Variants in CDKN2B-AS1 observed in about 807,000 individuals in gnomAD.
The protein encoded by CDKN2B-AS1 is CDKN2B antisense RNA 1 (non-protein coding).
chr9:22,109,406 A>T (rs1448847895), intron 4 of CDKN2B-AS1, among the ~76,000 whole-genome samples: 1 of 152,148 alleles, frequency 6.6e-6, no homozygotes, highest in Non-Finnish European at 1.5e-5. Context: ...CCCTGACTGG[A>T]TAGAGTAAAT....
rs183021588 is a variant in CDKN2B-AS1, at chr9:22,046,022, A to T, written n.30-729A>T. Among the ~76,000 whole-genome samples the T allele has an allele frequency of 2.6e-3, 402 of 152,248 alleles. 2 individuals are homozygous for T. The highest frequency in any genetic ancestry group is 4.1e-3 in the Non-Finnish European group (279 of 68,002). The stretch of plus-strand genomic sequence containing the variant: ...GCACTGGACTTAGAATATAAGAAGA[A>T]AATTTGGGACAACCTGAATAGTTGA... On this transcript the variant is annotated intron_variant and non_coding_transcript_variant, in intron 1 of 4. Coordinates refer to ENST00000650946, the Ensembl canonical transcript of CDKN2B-AS1.
intron 1 of CDKN2B-AS1, chr9:22,008,958 C>T (rs2131190873): frequency 6.2e-7 from 1 of 1,613,158 alleles, no homozygotes; most frequent in Non-Finnish European, 8.5e-7. Flanking sequence ...GCGCATTCCG[C>T]AGCCCCCAGA....
At chr9:22,063,714 A>G (rs1470740577) in intron 4 of CDKN2B-AS1, among the ~76,000 whole-genome samples, 1 of 152,154 alleles carries the variant, frequency 6.6e-6, no homozygotes, top group African/African-American at 2.4e-5. Context: ...TCTTTCTTCA[A>G]CTTCAACTGT....
Position 22,039,761 on chromosome 9 carries a change from T to G in CDKN2B-AS1, n.30-6990T>G, listed in dbSNP as rs1822827477. ...GCCAAATCTTCAGGCCCTCAAAATTTTTTCATTCCATTTGTTATGGGCTGA... is the reference window on the plus strand; with the variant it reads ...GCCAAATCTTCAGGCCCTCAAAATTGTTTCATTCCATTTGTTATGGGCTGA... On this transcript the variant is annotated intron_variant and non_coding_transcript_variant, in intron 1 of 4. Transcript: ENST00000650946. This position sits in a 1 kb window ranked among gnomAD's most constrained non-coding sequence, Gnocchi z 4.4. Among the ~76,000 whole-genome samples, 1 of 151,976 alleles carries G rather than the reference T, an allele frequency of 6.6e-6. No individual in the cohort carries two copies. Among genetic ancestry groups the G allele is most frequent in the Non-Finnish European group, 1.5e-5 (1 of 67,934 alleles).
At chr9:22,093,916 T>C (rs1183548455) in intron 4 of CDKN2B-AS1, among the ~76,000 whole-genome samples, 1 of 144,862 alleles carries the variant, frequency 6.9e-6, no homozygotes, top group Non-Finnish European at 1.5e-5. Context: ...CTAGCCTTGA[T>C]GGTCTTTACA....
intron 4 of CDKN2B-AS1, among the ~76,000 whole-genome samples, chr9:22,066,021 T>C (rs1393974329): frequency 6.6e-6 from 1 of 152,144 alleles, no homozygotes; most frequent in African/African-American, 2.4e-5. Context: ...GTTTAAGCCT[T>C]CATGTTCCCC....
chr9:22,084,028 A>G (rs564007909), intron 4 of CDKN2B-AS1, among the ~76,000 whole-genome samples: 6 of 152,318 alleles, frequency 3.9e-5, no homozygotes, highest in African/African-American at 9.6e-5. Flanking sequence ...TAAAATTTAC[A>G]TTACCTTTCT....
At chr9:22,096,337 G>T (rs368423972) in intron 4 of CDKN2B-AS1, 1 of 152,170 alleles carries the variant, frequency 6.6e-6, no homozygotes, top group African/African-American at 2.4e-5. Context: ...GACACCATTC[G>T]TTCATTCCTG....
intron 3 of CDKN2B-AS1, among the ~76,000 whole-genome samples, chr9:22,051,838 C>T (rs753476519): frequency 1.3e-5 from 2 of 152,102 alleles, no homozygotes; most frequent in Admixed American, 6.6e-5. Flanking sequence ...GCATATACCA[C>T]GTATATTTAT....
intron 4 of CDKN2B-AS1, among the ~76,000 whole-genome samples, chr9:22,080,071 T>C (rs538602121): frequency 2.0e-5 from 3 of 152,326 alleles, no homozygotes; most frequent in Admixed American, 2.0e-4. Context: ...CCTTTTGGGG[T>C]GTCTTGTGCT....
intron 4 of CDKN2B-AS1, among the ~76,000 whole-genome samples, chr9:22,085,421 A>T (rs1824835088): frequency 1.3e-5 from 2 of 152,160 alleles, no homozygotes; most frequent in Admixed American, 1.3e-4. Context: ...CAAGGAACAT[A>T]TAAAAGTTCC....
chr9:22,122,399 T>A (rs1051741472), intron 4 of CDKN2B-AS1, among the ~76,000 whole-genome samples: 59 of 152,172 alleles, frequency 3.9e-4, no homozygotes, highest in African/African-American at 1.4e-3. Flanking sequence ...CTATTTGGAT[T>A]GATATAATCC....
At chr9:22,117,823 G>C (rs1325980605) in intron 4 of CDKN2B-AS1, 1 of 152,338 alleles carries the variant, frequency 6.6e-6, no homozygotes, top group African/African-American at 2.4e-5. Flanking sequence ...CTCCCGGTTA[G>C]AGTGAGAGGC....
chr9:22,119,389 C>A (rs72654272), intron 4 of CDKN2B-AS1: 1 of 151,968 alleles, frequency 6.6e-6, no homozygotes, highest in Non-Finnish European at 1.5e-5. Context: ...TTGACTGATT[C>A]GGAACTTTTT....
intron 4 of CDKN2B-AS1, among the ~76,000 whole-genome samples, chr9:22,100,852 G>T (rs998138648): frequency 1.3e-5 from 2 of 152,166 alleles, no homozygotes; most frequent in Admixed American, 6.6e-5. Context: ...CCTAGTGGTT[G>T]TGAAGTGGTA....
At chr9:22,064,220 A>T (rs546796711) in intron 4 of CDKN2B-AS1, among the ~76,000 whole-genome samples, 3 of 152,130 alleles carry the variant, frequency 2.0e-5, no homozygotes, top group Admixed American at 6.5e-5. Flanking sequence ...ATCAGGAGGT[A>T]TTTCTAATGA....
At chr9:22,073,828 A>G (rs529386569) in intron 4 of CDKN2B-AS1, among the ~76,000 whole-genome samples, 3 of 152,076 alleles carry the variant, frequency 2.0e-5, no homozygotes, top group East Asian at 3.9e-4. Flanking sequence ...TAAAAATACA[A>G]TGTAGTCTAG....
intron 4 of CDKN2B-AS1, among the ~76,000 whole-genome samples, chr9:22,096,752 A>C (rs746898541): frequency 1.3e-5 from 2 of 152,112 alleles, no homozygotes; most frequent in Non-Finnish European, 2.9e-5. Flanking sequence ...AAAATGCCCT[A>C]TGTTATTTCA....
chr9:22,088,441 G>GCACACACACA lies in CDKN2B-AS1; in HGVS notation n.438+32071_438+32080dup, dbSNP rs3222818. On this transcript the variant is annotated intron_variant and non_coding_transcript_variant, in intron 4 of 4. Transcript: ENST00000650946. Reference sequence around the variant, plus strand: ...ATTGCACACATACACAAATGTGCAAGCACACACACACACACACACACACAC... The same window carrying GCACACACACA: ...ATTGCACACATACACAAATGTGCAAGCACACACACACACACACACACACACACACACACAC... 2.5e-4 allele frequency among the ~76,000 whole-genome samples: 37 copies of GCACACACACA among 149,810 alleles called. 1 individual carries two copies. Among genetic ancestry groups the GCACACACACA allele is most frequent in the Non-Finnish European group, 5.0e-4 (34 of 67,368 alleles).
Sources: allele counts gnomAD v4.1 joint callset (sites outside exome capture counted in the v4.1 genomes callset), GRCh38; gene constraint gnomAD v4.1.1; non-coding constraint Gnocchi (gnomAD v3.1); transcripts MANE v1.5; gene names NCBI Gene and HGNC (gene_info 2026-07-23, HGNC 2026-07-21).